PRKD1: variants seen among roughly 807,000 people sequenced by gnomAD.
PRKD1 encodes the protein serine/threonine-protein kinase D1.
In PRKD1, 63 loss-of-function variants were observed where a neutral mutation model predicts 95.9. That is an observed-to-expected ratio of 0.66 (90% CI 0.54 to 0.81). The LOEUF (loss-of-function observed/expected upper bound fraction) is 0.81. Among genes scored for constraint, PRKD1 ranks in the 30% least tolerant of loss-of-function variants. PRKD1 has a pLI of 0.00. For missense variants in PRKD1, 1,048 were observed against 1,165.3 expected (o/e 0.90, Z 1.47); for synonymous variants, 425 against 423.1 (o/e 1.00, Z -0.05).
chr14:29,855,208 A>T (rs1668923397), intron 1 of PRKD1, among the ~76,000 whole-genome samples: 1 of 152,150 alleles, frequency 6.6e-6, no homozygotes, highest in South Asian at 2.1e-4. Context: ...GTGCACCTGG[A>T]AAAGCCACAC....
chr14:29,724,186 T>A (rs1886034796), intron 2 of PRKD1, among the ~76,000 whole-genome samples: 1 of 152,160 alleles, frequency 6.6e-6, no homozygotes. Context: ...AAGTGCTTGA[T>A]AACAAAAGTA....
intron 1 of PRKD1, among the ~76,000 whole-genome samples, chr14:29,742,096 G>A (rs1887004805): frequency 6.6e-6 from 1 of 152,110 alleles, no homozygotes; most frequent in Non-Finnish European, 1.5e-5. Flanking sequence ...TAAGTGGACA[G>A]TGCATCTGAT....
intron 2 of PRKD1, among the ~76,000 whole-genome samples, chr14:29,686,643 C>T (rs1883889051): frequency 6.6e-6 from 1 of 152,156 alleles, no homozygotes; most frequent in Non-Finnish European, 1.5e-5. Flanking sequence ...GCCAGTATTC[C>T]ATGTGACTCT....
At chr14:29,804,017 G>A (rs748665202) in intron 1 of PRKD1, among the ~76,000 whole-genome samples, 22 of 152,020 alleles carry the variant, frequency 1.4e-4, no homozygotes, top group Admixed American at 1.4e-3. Context: ...CGAGGGGGGC[G>A]GATCACCTGA....
chr14:29,815,782 GA>G (rs1890662082), intron 1 of PRKD1, among the ~76,000 whole-genome samples: 1 of 152,104 alleles, frequency 6.6e-6, no homozygotes, highest in Non-Finnish European at 1.5e-5. Context: ...GTAAACTACA[GA>G]AATTATAATG....
chr14:29,778,856 A>G (rs1330567048), intron 1 of PRKD1, among the ~76,000 whole-genome samples: 1 of 152,176 alleles, frequency 6.6e-6, no homozygotes, highest in Non-Finnish European at 1.5e-5. Flanking sequence ...TTAGACCAAT[A>G]TCCCTGATGA....
At chr14:29,754,511 C>T (rs1407748722) in intron 1 of PRKD1, among the ~76,000 whole-genome samples, 1 of 152,060 alleles carries the variant, frequency 6.6e-6, no homozygotes, top group Non-Finnish European at 1.5e-5. Context: ...GCTTTGTATA[C>T]TGTATTAACT....
At chr14:29,844,609 G>A (rs962089960) in intron 1 of PRKD1, among the ~76,000 whole-genome samples, 6 of 152,202 alleles carry the variant, frequency 3.9e-5, no homozygotes, top group Admixed American at 1.3e-4. Flanking sequence ...GGTAATGTAT[G>A]GACATGTATG....
At position 29,927,640 on chromosome 14, in the gene PRKD1, G is replaced by C. The variant is rs1280431316; in HGVS notation, c.-128C>G. ...CCCAGACGGAAAATAAAAACTTTCC[G>C]GAAAAGTCCCTGGGCTGGGGGAGGG... On this transcript the variant is annotated 5_prime_UTR_variant, in exon 1 of 18. Transcript: ENST00000331968. The C allele has an allele frequency of 1.3e-6, 1 of 751,398 alleles. No homozygotes were observed. The highest frequency in any genetic ancestry group is 1.7e-6 in the Non-Finnish European group (1 of 599,672). The allele number at this position is 751,398 out of a possible 1,614,324, so 46.5% of individuals were successfully genotyped here.
At chr14:29,808,039 A>C (rs535300615) in intron 1 of PRKD1, among the ~76,000 whole-genome samples, 2 of 152,216 alleles carry the variant, frequency 1.3e-5, no homozygotes, top group South Asian at 4.1e-4. Context: ...TCTTAACATA[A>C]GACAACAATG....
chr14:29,605,659 A>G (rs1370362244), intron 13 of PRKD1, among the ~76,000 whole-genome samples: 1 of 152,236 alleles, frequency 6.6e-6, no homozygotes, highest in East Asian at 1.9e-4. Context: ...TACAAGCTCC[A>G]TAAGAGCTAT....
chr14:29,663,072 T>C (rs1284837151), intron 4 of PRKD1, among the ~76,000 whole-genome samples: 1 of 145,590 alleles, frequency 6.9e-6, no homozygotes, highest in Admixed American at 7.0e-5. Context: ...TTATATATAA[T>C]ATATATAAAA....
At chr14:29,750,918 G>A (rs2139459990) in intron 1 of PRKD1, among the ~76,000 whole-genome samples, 1 of 152,292 alleles carries the variant, frequency 6.6e-6, no homozygotes, top group African/African-American at 2.4e-5. Context: ...TTCAAAAGAT[G>A]TGTTTCCCCA....
intron 1 of PRKD1, among the ~76,000 whole-genome samples, chr14:29,801,696 T>G (rs1050668157): frequency 6.8e-6 from 1 of 146,334 alleles, no homozygotes; most frequent in Admixed American, 6.9e-5. Context: ...GGTCTACGTG[T>G]TTTTTTTTTT....
intron 13 of PRKD1, among the ~76,000 whole-genome samples, chr14:29,602,706 G>A (rs1234672803): frequency 1.3e-5 from 2 of 152,164 alleles, no homozygotes; most frequent in Non-Finnish European, 2.9e-5. Context: ...TGGGATTACA[G>A]GCATGAGCCA....
At position 29,850,363 on chromosome 14, in the gene PRKD1, G is replaced by T. The variant is rs1435210921; in HGVS notation, c.264+76886C>A. 3.3e-5 allele frequency among the ~76,000 whole-genome samples: 5 copies of T among 150,366 alleles called. No homozygotes were observed. The East Asian group carries it at 1.0e-3, about 30-fold the overall frequency. On this transcript the variant is annotated intron_variant, in intron 1 of 17. Coordinates refer to ENST00000331968, the MANE Select transcript of PRKD1 (RefSeq NM_002742.3). ...ATAAATGACTTGGATCAAGTTTCAG[G>T]ATACAAAATCAATATACAAAAATCA... is the stretch of plus-strand genomic sequence containing the variant.
chr14:29,840,676 A>G (rs1176018617), intron 1 of PRKD1, among the ~76,000 whole-genome samples: 1 of 152,228 alleles, frequency 6.6e-6, no homozygotes, highest in African/African-American at 2.4e-5. Context: ...AAGTCTCACA[A>G]TCATGGCAGA....
chr14:29,782,410 A>G (rs761555883), intron 1 of PRKD1, among the ~76,000 whole-genome samples: 8 of 152,226 alleles, frequency 5.3e-5, no homozygotes, highest in Non-Finnish European at 8.8e-5. Context: ...TACTGACTAT[A>G]ATTTTACATT....
rs45560634 is a variant in PRKD1 at position 29,804,413 on chromosome 14, T to C, written c.265-78739A>G. On this transcript the variant is annotated intron_variant, in intron 1 of 17. Coordinates refer to ENST00000331968, the MANE Select transcript of PRKD1 (RefSeq NM_002742.3). ...CAAGAATCATAACAGTTGCCTGACT[T>C]TTCTTAATGCTGTCTAACCCACGAA... is the stretch of plus-strand genomic sequence containing the variant. Among the ~76,000 whole-genome samples the C allele has an allele frequency of 1.9e-3, 292 of 152,244 alleles. 2 individuals carry two copies. Among genetic ancestry groups the C allele is most frequent in the African/African-American group, 6.7e-3 (278 of 41,550 alleles).
Sources: allele counts gnomAD v4.1 joint callset (sites outside exome capture counted in the v4.1 genomes callset), GRCh38; gene constraint gnomAD v4.1.1; transcripts MANE v1.5; gene names NCBI Gene and HGNC (gene_info 2026-07-23, HGNC 2026-07-21).